PTPRN2: variants seen among roughly 807,000 people sequenced by gnomAD.
PTPRN2 encodes the protein receptor-type tyrosine-protein phosphatase N2.
Under a neutral mutation model 118.8 loss-of-function variants are expected in PTPRN2, and 74 were observed. The observed-to-expected ratio is 0.62, with a 90% CI of 0.52 to 0.76. PTPRN2 has a LOEUF of 0.76. Ranked by LOEUF, PTPRN2 falls within the 30% of genes least tolerant of loss-of-function variation. The probability of loss-of-function intolerance (pLI) is 0.00; values close to 1 mark genes in which losing one functional copy is unlikely to be tolerated. For synonymous variants in PTPRN2, 641 were observed against 608.0 expected, an observed-to-expected ratio of 1.05 and a Z score of -0.80; for missense variants, 1,481 against 1,394.4, an observed-to-expected ratio of 1.06 and a Z score of -0.99.
At chr7:158,149,995 C>A (rs780728528) in intron 6 of PTPRN2, among the ~76,000 whole-genome samples, 1 of 152,064 alleles carries the variant, frequency 6.6e-6, no homozygotes, top group African/African-American at 2.4e-5. Flanking sequence ...GTTTGTTAAG[C>A]CTCATTACAG....
intron 3 of PTPRN2, among the ~76,000 whole-genome samples, chr7:158,242,322 T>C (rs1309706191): frequency 1.3e-5 from 2 of 152,246 alleles, no homozygotes; most frequent in African/African-American, 4.8e-5. Context: ...TCCGCTTCTT[T>C]TCAATTAGAG....
rs565018217 is a variant in PTPRN2 at position 157,585,500 on chromosome 7, A to T, written c.2497-7360T>A. Among the ~76,000 whole-genome samples, 38 of 151,962 alleles carry T rather than the reference A, an allele frequency of 2.5e-4. 1 individual carries two copies. In the South Asian group the frequency reaches 7.9e-3, roughly 32 times the overall value. ...CACTCACACACTGGACTTCCTCTCC[A>T]CCCGGCCTTTGTGTGACCACCGTGG... On this transcript the variant is annotated intron_variant, in intron 17 of 22. Transcript: ENST00000389418. The surrounding 1 kb of genome is among the most constrained non-coding windows in gnomAD (Gnocchi z 5.2).
intron 12 of PTPRN2, among the ~76,000 whole-genome samples, chr7:157,783,428 G>T (rs959108943): frequency 6.6e-6 from 1 of 150,952 alleles, no homozygotes; most frequent in South Asian, 2.1e-4. Flanking sequence ...TTCATCGAAC[G>T]CATGTCTGAG....
intron 11 of PTPRN2, among the ~76,000 whole-genome samples, chr7:157,978,040 T>C (rs759041650): frequency 1.3e-5 from 2 of 151,920 alleles, no homozygotes; most frequent in African/African-American, 4.8e-5. Flanking sequence ...ACCAAGGAGT[T>C]TTCTAAAAAG....
chr7:158,391,502 T>C (rs552120585), intron 2 of PTPRN2, among the ~76,000 whole-genome samples: 91 of 152,346 alleles, frequency 6.0e-4, no homozygotes, highest in Non-Finnish European at 1.1e-3. Flanking sequence ...CCCTAGCTTC[T>C]TCCTGAGGCT....
intron 6 of PTPRN2, among the ~76,000 whole-genome samples, chr7:158,165,812 C>T (rs2335841): frequency 0.62 from 93,965 of 152,062 alleles, 30,147 homozygotes; most frequent in East Asian, 0.78. Context: ...CGCAGGAACC[C>T]GCAAACGCCT....
intron 2 of PTPRN2, among the ~76,000 whole-genome samples, chr7:158,408,284 GAAC>G (rs1412006660): frequency 6.6e-6 from 1 of 152,154 alleles, no homozygotes; most frequent in Non-Finnish European, 1.5e-5. Flanking sequence ...AAATTAATAA[GAAC>G]ACCACTATGC....
chr7:157,660,970 T>A (rs1166703729), intron 13 of PTPRN2, among the ~76,000 whole-genome samples: 1 of 152,218 alleles, frequency 6.6e-6, no homozygotes, highest in Non-Finnish European at 1.5e-5. Flanking sequence ...GCCAGGCTGA[T>A]CTTGAACTCC....
chr7:157,713,650 G>A (rs1285439051), intron 12 of PTPRN2, among the ~76,000 whole-genome samples: 1 of 152,186 alleles, frequency 6.6e-6, no homozygotes, highest in African/African-American at 2.4e-5. Flanking sequence ...ACTGGTCTGC[G>A]GTTCCCACAA....
intron 11 of PTPRN2, among the ~76,000 whole-genome samples, chr7:158,062,306 G>A (rs946534438): frequency 1.3e-5 from 2 of 152,272 alleles, no homozygotes; most frequent in Admixed American, 6.5e-5. Context: ...AGCCAGGGCT[G>A]CAGGTGCTGG....
At chr7:158,082,291 C>G (rs1464731034) in intron 10 of PTPRN2, among the ~76,000 whole-genome samples, 1 of 152,234 alleles carries the variant, frequency 6.6e-6, no homozygotes. Context: ...TGCAGCCACA[C>G]ACCCTCCACC....
At position 157,733,156 on chromosome 7, in the gene PTPRN2, G is replaced by C. The variant is rs369173495; in HGVS notation, c.1789-50219C>G. On this transcript the variant is annotated intron_variant, in intron 12 of 22. Transcript: ENST00000389418. ...AGCACAGTTACTCTTTCCCGTCCCA[G>C]GCGCCCAGCACAGTTACCCTTTCCC... Among the ~76,000 whole-genome samples the C allele has an allele frequency of 2.0e-4, 4 of 20,080 alleles. 1 individual carries two copies. The highest frequency in any genetic ancestry group is 3.6e-4 in the Non-Finnish European group (4 of 11,050). The allele number at this position is 20,080 out of a possible 152,430, so 13.2% of individuals were successfully genotyped here.
chr7:157,572,916 G>A (rs1030170856), intron 19 of PTPRN2, among the ~76,000 whole-genome samples: 4 of 152,240 alleles, frequency 2.6e-5, no homozygotes, highest in Non-Finnish European at 4.4e-5. Context: ...TTGTTTTTCC[G>A]GGGCACACAG....
At chr7:158,178,795 C>G (rs1824444646) in intron 5 of PTPRN2, among the ~76,000 whole-genome samples, 1 of 151,876 alleles carries the variant, frequency 6.6e-6, no homozygotes, top group Non-Finnish European at 1.5e-5. Flanking sequence ...GACGAGGTTT[C>G]ATCATGTTGG....
At chr7:157,613,702 ACGTGCCAGAAT>A (rs1007188158) in intron 15 of PTPRN2, among the ~76,000 whole-genome samples, 4 of 152,128 alleles carry the variant, frequency 2.6e-5, no homozygotes, top group African/African-American at 9.7e-5. Context: ...CCTGCCTGGA[ACGTGCCAGAAT>A]CGTCTCCCTA....
intron 13 of PTPRN2, among the ~76,000 whole-genome samples, chr7:157,657,267 T>C (rs954990350): frequency 6.1e-4 from 13 of 21,254 alleles, no homozygotes; most frequent in African/African-American, 9.6e-4. Flanking sequence ...TACACACACA[T>C]ACACCACACA....
chr7:158,337,272 C>G (rs1231309957), intron 2 of PTPRN2, among the ~76,000 whole-genome samples: 3 of 151,374 alleles, frequency 2.0e-5, no homozygotes, highest in South Asian at 2.1e-4. Flanking sequence ...AGACGTCACT[C>G]AAACTCACAC....
intron 2 of PTPRN2, among the ~76,000 whole-genome samples, chr7:158,388,970 C>T (rs1052617847): frequency 3.3e-5 from 5 of 152,234 alleles, no homozygotes; most frequent in Non-Finnish European, 7.3e-5. Flanking sequence ...AGGAATAGGT[C>T]AACCCTAAGG....
chr7:158,288,769 G>C (rs1799924521), intron 3 of PTPRN2, among the ~76,000 whole-genome samples: 1 of 152,136 alleles, frequency 6.6e-6, no homozygotes, highest in Admixed American at 6.5e-5. Flanking sequence ...TTATCAGTGA[G>C]TTCTATACTT....
Sources: allele counts gnomAD v4.1 joint callset (sites outside exome capture counted in the v4.1 genomes callset), GRCh38; gene constraint gnomAD v4.1.1; non-coding constraint Gnocchi (gnomAD v3.1); transcripts MANE v1.5; gene names NCBI Gene and HGNC (gene_info 2026-07-23, HGNC 2026-07-21).